CTNNA1: variants seen among roughly 807,000 people sequenced by gnomAD.
CTNNA1 encodes the protein catenin alpha 1, also known as catenin alpha-1.
In CTNNA1, 37 loss-of-function variants were observed where a neutral mutation model predicts 98.4. The observed-to-expected ratio is 0.38, with a 90% CI of 0.29 to 0.49. The LOEUF is 0.49. Among genes scored for constraint, CTNNA1 ranks in the 20% least tolerant of loss-of-function variants. The probability of loss-of-function intolerance (pLI) is 0.95; values close to 1 mark genes in which losing one functional copy is unlikely to be tolerated. For synonymous variants in CTNNA1, 404 were observed against 413.2 expected, an observed-to-expected ratio of 0.98 and a Z score of 0.27; for missense variants, 761 against 1,147.2, an observed-to-expected ratio of 0.66 and a Z score of 4.86.
intron 7 of CTNNA1, among the ~76,000 whole-genome samples, chr5:138,833,272 T>C (rs550622085): frequency 6.6e-6 from 1 of 152,354 alleles, no homozygotes; most frequent in Non-Finnish European, 1.5e-5. Flanking sequence ...TTAGGGCTTA[T>C]AATTGGTAAG....
intron 5 of CTNNA1, among the ~76,000 whole-genome samples, chr5:138,823,306 C>T (rs1760224343): frequency 6.6e-6 from 1 of 152,044 alleles, no homozygotes; most frequent in Non-Finnish European, 1.5e-5. Context: ...AAGTAGATGC[C>T]ATCATTAGTG....
chr5:138,925,046 A>C (rs1763710235), intron 12 of CTNNA1, among the ~76,000 whole-genome samples: 1 of 152,188 alleles, frequency 6.6e-6, no homozygotes, highest in African/African-American at 2.4e-5. Context: ...CAAGTTCTCA[A>C]CCATCCAATC....
chr5:138,843,291 T>C (rs1762421727), intron 7 of CTNNA1, among the ~76,000 whole-genome samples: 1 of 152,210 alleles, frequency 6.6e-6, no homozygotes, highest in Non-Finnish European at 1.5e-5. Flanking sequence ...CTCAATCCTT[T>C]TGGTGGTTAT....
chr5:138,896,766 C>T (rs941891940), intron 9 of CTNNA1, among the ~76,000 whole-genome samples: 17 of 152,172 alleles, frequency 1.1e-4, no homozygotes, highest in African/African-American at 4.1e-4. Context: ...TCACCCCTTT[C>T]TCCCCTATCA....
rs1765096205 is a variant in CTNNA1, at chr5:138,930,639, T to G, written c.2177T>G (p.Met726Arg). ...CAGATGTGCATGATTATGATGGAGATGACAGACTTTACCCGGTGAGCAGCA... is the reference window on the plus strand; with the variant it reads ...CAGATGTGCATGATTATGATGGAGAGGACAGACTTTACCCGGTGAGCAGCA... ...AKQMCMIMME[M>R]TDFTRGKGPL... Residue 726 changes from methionine (M) to arginine (R), a missense_variant, in exon 15 of 18, where the codon ATG becomes AGG. Met to Arg is a moderately conservative substitution (Grantham distance 91). Around this residue, in one of 6 missense-constraint regions of CTNNA1, gnomAD observed 77 missense variants for 198.8 expected, o/e 0.39. Coordinates refer to ENST00000302763, the MANE Select transcript of CTNNA1 (RefSeq NM_001903.5). 1 of 1,612,942 alleles carries G rather than the reference T, an allele frequency of 6.2e-7. No individual in the cohort carries two copies. The highest frequency in any genetic ancestry group is 8.5e-7 in the Non-Finnish European group (1 of 1,179,386).
rs1380866669 is a variant in CTNNA1 at position 138,753,437 on chromosome 5, G to T, written c.-76G>T. The T allele has an allele frequency of 5.4e-6, 2 of 372,994 alleles. No individual in the cohort carries two copies. Among genetic ancestry groups the T allele is most frequent in the Non-Finnish European group, 9.5e-6 (2 of 209,576 alleles). 23.1% of individuals were successfully genotyped at this position (372,994 alleles called of 1,614,324 possible). On this transcript the variant is annotated 5_prime_UTR_variant, in exon 1 of 18. Coordinates refer to ENST00000302763, the MANE Select transcript of CTNNA1 (RefSeq NM_001903.5). ...GGCGGCCCATTTCCTCCTCCTAGCC[G>T]GACTGGAGGGAGACAAAGCAGCGCC...
rs3827596 is a variant in CTNNA1 at position 138,789,337 on chromosome 5, G to A, written c.301+5965G>A. ...GGATCTTGAAAGGTAGAAAAAGGGA[G>A]CAGGAGGAAACTCATCCAGGTAAGA... On this transcript the variant is annotated intron_variant, in intron 3 of 17. Coordinates refer to ENST00000302763, the MANE Select transcript of CTNNA1 (RefSeq NM_001903.5). 7.2e-5 allele frequency among the ~76,000 whole-genome samples: 11 copies of A among 152,314 alleles called. No individual in the cohort carries two copies. In the East Asian group the frequency reaches 2.1e-3, roughly 29 times the overall value.
At chr5:138,864,406 G>A (rs1414855914) in intron 7 of CTNNA1, among the ~76,000 whole-genome samples, 1 of 152,150 alleles carries the variant, frequency 6.6e-6, no homozygotes, top group Non-Finnish European at 1.5e-5. Flanking sequence ...TAAAAAGCAA[G>A]CTAGGAAACA....
At chr5:138,782,665 C>T (rs1406286199) in intron 2 of CTNNA1, among the ~76,000 whole-genome samples, 3 of 152,164 alleles carry the variant, frequency 2.0e-5, no homozygotes, top group African/African-American at 7.2e-5. Context: ...AGACATAAAG[C>T]GTCATCACTG....
chr5:138,886,679 G>T (rs1754102139), intron 8 of CTNNA1, among the ~76,000 whole-genome samples: 1 of 152,132 alleles, frequency 6.6e-6, no homozygotes. Flanking sequence ...CACACTTGCA[G>T]TTCCCTTAGA....
In CTNNA1 at chr5:138,890,308, T is replaced by C. The variant is rs1250704255; in HGVS notation, c.1296+2666T>C. Among the ~76,000 whole-genome samples the C allele has an allele frequency of 2.6e-5, 4 of 151,808 alleles. No homozygotes were observed. In the East Asian group the frequency reaches 7.7e-4, roughly 29 times the overall value. The stretch of plus-strand genomic sequence containing the variant: ...AGTTCTGATGCTAATCACCAGAAGT[T>C]AGTGCAGACCCCACAGGTTTAGGGC... On this transcript the variant is annotated intron_variant, in intron 9 of 17. Transcript: ENST00000302763.
chr5:138,894,993 A>T (rs953811982), intron 9 of CTNNA1, among the ~76,000 whole-genome samples: 2 of 152,058 alleles, frequency 1.3e-5, no homozygotes, highest in African/African-American at 4.8e-5. Flanking sequence ...CACCAGTTTT[A>T]CATCCTTTGT....
intron 7 of CTNNA1, among the ~76,000 whole-genome samples, chr5:138,832,035 A>T (rs1488169161): frequency 6.6e-6 from 1 of 152,204 alleles, no homozygotes; most frequent in Admixed American, 6.5e-5. Context: ...CACTATACAG[A>T]TGACATTTGT....
rs143190763 is a variant in CTNNA1 at position 138,827,987 on chromosome 5, T to C, written c.1062+269T>C. On this transcript the variant is annotated intron_variant, in intron 7 of 17. Transcript: ENST00000302763. ...ATTCATCAATTAACATGTAGATACATGTGTAGGTGTGTGTATATATAAATG... is the reference window on the plus strand; with the variant it reads ...ATTCATCAATTAACATGTAGATACACGTGTAGGTGTGTGTATATATAAATG... 1,004 of 439,064 alleles carry C rather than the reference T, an allele frequency of 2.3e-3. 5 individuals carry two copies. Among genetic ancestry groups the C allele is most frequent in the African/African-American group, 0.015 (746 of 50,174 alleles). 27.2% of individuals were successfully genotyped at this position (439,064 alleles called of 1,614,324 possible).
intron 4 of CTNNA1, among the ~76,000 whole-genome samples, chr5:138,811,519 G>A (rs1446178147): frequency 3.3e-5 from 5 of 149,470 alleles, no homozygotes; most frequent in South Asian, 2.2e-4. Context: ...ACAGGGTGGC[G>A]GCCGGGCAGA....
At chr5:138,899,531 T>C (rs1308300034) in intron 9 of CTNNA1, among the ~76,000 whole-genome samples, 1 of 152,236 alleles carries the variant, frequency 6.6e-6, no homozygotes, top group East Asian at 1.9e-4. Context: ...GTGACTTTCT[T>C]GATCACTCTT....
intron 9 of CTNNA1, among the ~76,000 whole-genome samples, chr5:138,889,452 C>A (rs1267072078): frequency 6.6e-6 from 1 of 152,176 alleles, no homozygotes; most frequent in African/African-American, 2.4e-5. Context: ...ACCTGGCTTA[C>A]ATCCCTCCAA....
intron 7 of CTNNA1, among the ~76,000 whole-genome samples, chr5:138,839,695 C>T (rs1442492556): frequency 2.0e-5 from 3 of 152,204 alleles, no homozygotes; most frequent in Non-Finnish European, 2.9e-5. Flanking sequence ...TGGATTGCCA[C>T]TCCATGTGTT....
chr5:138,930,038 T>G (rs996133387), intron 14 of CTNNA1, among the ~76,000 whole-genome samples: 7 of 152,240 alleles, frequency 4.6e-5, no homozygotes, highest in Non-Finnish European at 8.8e-5. Flanking sequence ...GCGGTATCTC[T>G]CAGCCCTCTT....
Sources: gnomAD v4.1 joint callset for allele counts (sites outside exome capture counted in the v4.1 genomes callset) on GRCh38, gnomAD v4.1.1 for gene constraint, gnomAD v4.1.1 regional missense constraint, MANE v1.5 for transcripts, NCBI Gene and HGNC (gene_info 2026-07-23, HGNC 2026-07-21) for gene names.